The following COMMD10 variants were observed in gnomAD, a reference collection of about 807,000 sequenced individuals.
COMMD10 encodes the protein COMM domain containing 10, also known as COMM domain-containing protein 10.
In COMMD10, 33 loss-of-function variants were observed where a neutral mutation model predicts 28.9. The observed-to-expected ratio is 1.14, with a 90% CI of 0.87 to 1.53. The LOEUF is 1.53. COMMD10 is among the 40% of genes most tolerant of loss of function. COMMD10 has a pLI of 0.00. For synonymous variants in COMMD10, 110 were observed against 81.7 expected, an observed-to-expected ratio of 1.35 and a Z score of -1.87; for missense variants, 310 against 233.4, an observed-to-expected ratio of 1.33 and a Z score of -2.14.
At chr5:116,125,778 G>C (rs539309852) in intron 4 of COMMD10, among the ~76,000 whole-genome samples, 5 of 151,520 alleles carry the variant, frequency 3.3e-5, no homozygotes, top group East Asian at 1.9e-4. Context: ...TAAACTTCTC[G>C]CTTCATTTCA....
At chr5:116,266,602 GT>G (rs1750590845) in intron 5 of COMMD10, among the ~76,000 whole-genome samples, 1 of 151,540 alleles carries the variant, frequency 6.6e-6, no homozygotes, top group Non-Finnish European at 1.5e-5. Context: ...AATATTTAAA[GT>G]ACAACAAAAG....
chr5:116,209,461 T>C (rs1748903016), intron 5 of COMMD10, among the ~76,000 whole-genome samples: 1 of 152,194 alleles, frequency 6.6e-6, no homozygotes, highest in Non-Finnish European at 1.5e-5. Context: ...TCTGTATGAC[T>C]TTTAGTTCTA....
chr5:116,112,138 G>C (rs1318913301), intron 4 of COMMD10, among the ~76,000 whole-genome samples: 1 of 152,112 alleles, frequency 6.6e-6, no homozygotes, highest in Non-Finnish European at 1.5e-5. Flanking sequence ...TTAATAATCT[G>C]TCTGGGAAAG....
chr5:116,275,690 T>C (rs924833103), intron 5 of COMMD10, among the ~76,000 whole-genome samples: 1 of 151,738 alleles, frequency 6.6e-6, no homozygotes, highest in Non-Finnish European at 1.5e-5. Flanking sequence ...AGAACATATC[T>C]GATGGCTTAA....
At chr5:116,093,313 A>T (rs747233025) in intron 4 of COMMD10, among the ~76,000 whole-genome samples, 81 of 152,228 alleles carry the variant, frequency 5.3e-4, no homozygotes, top group Admixed American at 5.9e-4. Context: ...TAAATAAAAC[A>T]TCTAAAAGAG....
intron 5 of COMMD10, among the ~76,000 whole-genome samples, chr5:116,249,159 G>A (rs974749454): frequency 6.6e-6 from 1 of 151,802 alleles, no homozygotes; most frequent in Non-Finnish European, 1.5e-5. Flanking sequence ...GTATATTTGG[G>A]ACTGCTATGG....
chr5:116,190,607 G>C (rs530578697), intron 5 of COMMD10, among the ~76,000 whole-genome samples: 2 of 152,188 alleles, frequency 1.3e-5, no homozygotes, highest in African/African-American at 4.8e-5. Context: ...CTGTTTCTTT[G>C]GAATATAAAT....
rs116095372 is a variant in COMMD10, at chr5:116,116,845, A to C, written c.400-17223A>C. Reference sequence around the variant, plus strand: ...GCCATTCTCCTGCCTCAGCCTCCCAAAATGCAGAGATTTTAATTTAATTGT... The same window carrying C: ...GCCATTCTCCTGCCTCAGCCTCCCACAATGCAGAGATTTTAATTTAATTGT... On this transcript the variant is annotated intron_variant, in intron 4 of 6. Transcript: ENST00000274458. Among the ~76,000 whole-genome samples, 418 of 152,214 alleles carry C rather than the reference A, an allele frequency of 2.7e-3. 2 individuals carry two copies. The highest frequency in any genetic ancestry group is 9.7e-3 in the African/African-American group (401 of 41,522).
At chr5:116,199,512 A>T (rs1044382086) in intron 5 of COMMD10, among the ~76,000 whole-genome samples, 1 of 151,992 alleles carries the variant, frequency 6.6e-6, no homozygotes, top group Non-Finnish European at 1.5e-5. Flanking sequence ...TGTAGCTTTG[A>T]TATTGTATCT....
intron 5 of COMMD10, among the ~76,000 whole-genome samples, chr5:116,218,910 G>T (rs1354819647): frequency 6.6e-6 from 1 of 152,118 alleles, no homozygotes; most frequent in Non-Finnish European, 1.5e-5. Flanking sequence ...CTCAAAATTT[G>T]TATGTTGAAG....
intron 5 of COMMD10, among the ~76,000 whole-genome samples, chr5:116,161,156 A>G (rs1323801998): frequency 6.6e-6 from 1 of 152,046 alleles, no homozygotes; most frequent in Non-Finnish European, 1.5e-5. Context: ...GTGAAATCTA[A>G]ATGTCTGAAA....
chr5:116,218,849 C>G (rs912515831), intron 5 of COMMD10, among the ~76,000 whole-genome samples: 1 of 152,134 alleles, frequency 6.6e-6, no homozygotes, highest in African/African-American at 2.4e-5. Flanking sequence ...GGCGTTGACT[C>G]TACCCCCATA....
At position 116,166,866 on chromosome 5, in the gene COMMD10, T is replaced by C. The variant is rs187398132; in HGVS notation, c.510+32688T>C. On this transcript the variant is annotated intron_variant, in intron 5 of 6. Transcript: ENST00000274458. ...GGTCACCAACATCAAAGACCAAAGG[T>C]AGATAAATCCATGAAGATGAGGAAA... Among the ~76,000 whole-genome samples, 1,318 of 151,996 alleles carry C rather than the reference T, an allele frequency of 8.7e-3. 14 individuals carry two copies. The highest frequency in any genetic ancestry group is 0.022 in the South Asian group (108 of 4,808).
At chr5:116,085,790 T>C (rs1286921800) in intron 1 of COMMD10, among the ~76,000 whole-genome samples, 1 of 152,226 alleles carries the variant, frequency 6.6e-6, no homozygotes, top group Non-Finnish European at 1.5e-5. Flanking sequence ...GAAAAAGTAC[T>C]GAAGTATATA....
chr5:116,149,850 CT>C (rs1256949634), intron 5 of COMMD10, among the ~76,000 whole-genome samples: 8 of 149,374 alleles, frequency 5.4e-5, no homozygotes, highest in African/African-American at 1.7e-4. Flanking sequence ...TGCAGAAGCT[CT>C]TTAGTTTAAT....
At chr5:116,286,843 G>C (rs2112714171) in intron 5 of COMMD10, among the ~76,000 whole-genome samples, 1 of 151,898 alleles carries the variant, frequency 6.6e-6, no homozygotes, top group East Asian at 1.9e-4. Flanking sequence ...TTTTTGATTA[G>C]AGTGTTCCGT....
At chr5:116,267,268 A>T (rs532953516) in intron 5 of COMMD10, among the ~76,000 whole-genome samples, 2 of 152,052 alleles carry the variant, frequency 1.3e-5, no homozygotes, top group South Asian at 2.1e-4. Context: ...CACAAAATCA[A>T]TGTGCAAAAA....
Position 116,271,446 on chromosome 5 carries a change from C to T in COMMD10, c.511-20071C>T, listed in dbSNP as rs73261031. On this transcript the variant is annotated intron_variant, in intron 5 of 6. Coordinates refer to ENST00000274458, the MANE Select transcript of COMMD10 (RefSeq NM_016144.4). Reference sequence around the variant, plus strand: ...TGTATTACTAATTCTGCTTAATATACTTTGTATACTTTTGTTTCCTATCTC... The same window carrying T: ...TGTATTACTAATTCTGCTTAATATATTTTGTATACTTTTGTTTCCTATCTC... 1.4e-3 allele frequency among the ~76,000 whole-genome samples: 209 copies of T among 151,222 alleles called. 4 individuals carry two copies. Among genetic ancestry groups the T allele is most frequent in the African/African-American group, 4.8e-3 (198 of 40,980 alleles).
At chr5:116,199,668 CT>C (rs1748613314) in intron 5 of COMMD10, among the ~76,000 whole-genome samples, 1 of 152,150 alleles carries the variant, frequency 6.6e-6, no homozygotes. Context: ...CCTTTAACAT[CT>C]TTTAAAGAAC....
Sources: allele counts gnomAD v4.1 joint callset (sites outside exome capture counted in the v4.1 genomes callset), GRCh38; gene constraint gnomAD v4.1.1; transcripts MANE v1.5; gene names NCBI Gene and HGNC (gene_info 2026-07-23, HGNC 2026-07-21).